The following NOS3 variants were observed in gnomAD, a reference collection of about 807,000 sequenced individuals.
NOS3 encodes the protein nitric oxide synthase 3.
In NOS3, 98 loss-of-function variants were observed where a neutral mutation model predicts 144.9. That is an observed-to-expected ratio of 0.68 (90% CI 0.57 to 0.80). The LOEUF (loss-of-function observed/expected upper bound fraction) is 0.80, where lower values mean the gene tolerates loss of function less well. Among genes scored for constraint, NOS3 ranks in the 30% least tolerant of loss-of-function variants. The pLI, the probability that NOS3 is intolerant of heterozygous loss-of-function variation, is 0.00. For missense variants in NOS3, 1,465 were observed against 1,656.4 expected (o/e 0.88, Z 2.01); for synonymous variants, 714 against 702.4 (o/e 1.02, Z -0.26).
chr7:151,005,503 A>G (rs3918187), intron 14 of NOS3, among the ~76,000 whole-genome samples: 3,692 of 152,232 alleles, frequency 0.024, 157 homozygotes, highest in African/African-American at 0.084. Context: ...TTGTCCACCC[A>G]TGAAATCCAC....
chr7:151,012,622 GT>G (rs1795330994), intron 24 of NOS3, 150 bp downstream of exon 24: 2 of 930,382 alleles, frequency 2.1e-6, no homozygotes, highest in Admixed American at 5.3e-5. Flanking sequence ...GGGAGGGCAG[GT>G]ACCAAAGGCA....
At chr7:151,007,065 T>C in intron 16 of NOS3, 37 bp from the exon 17 acceptor site, 1 of 1,614,038 alleles carries the variant, frequency 6.2e-7, no homozygotes, top group Non-Finnish European at 8.5e-7. Flanking sequence ...AAACGTGGCC[T>C]GCAAAGGGAG....
intron 14 of NOS3, among the ~76,000 whole-genome samples, chr7:151,006,013 C>T (rs547617112): frequency 6.6e-6 from 1 of 152,180 alleles, no homozygotes; most frequent in Non-Finnish European, 1.5e-5. Flanking sequence ...CAGAGCAAGA[C>T]CCATATCTAA....
chr7:151,001,198 G>A, intron 10 of NOS3, 33 bp from the exon 11 acceptor site: 1 of 1,607,304 alleles, frequency 6.2e-7, no homozygotes, highest in Admixed American at 1.7e-5. Flanking sequence ...TGTGGGTCTG[G>A]TTTGAGCCTC....
At position 150,993,736 on chromosome 7, in the gene NOS3, C is replaced by T; in HGVS notation, c.-51-17C>T. Reference sequence around the variant, plus strand: ...CTCCCACTGCCCCCTCCTCTCGGTCCCCTCCCTCTTCCTAAGGAAAAGGCC... The same window carrying T: ...CTCCCACTGCCCCCTCCTCTCGGTCTCCTCCCTCTTCCTAAGGAAAAGGCC... On this transcript the variant is annotated splice_polypyrimidine_tract_variant and intron_variant, in intron 1 of 26. Transcript: ENST00000297494. This position sits in a 1 kb window ranked among gnomAD's most constrained non-coding sequence, Gnocchi z 4.0. 6.6e-7 allele frequency: 1 copy of T among 1,515,716 alleles called. No homozygotes were observed. Among genetic ancestry groups the T allele is most frequent in the African/African-American group, 1.4e-5 (1 of 71,022 alleles). The allele number at this position is 1,515,716 out of a possible 1,614,324, so 93.9% of individuals were successfully genotyped here. A position where few individuals can be genotyped will look rare whatever the true frequency, so the allele number is the denominator to read the frequency against.
In NOS3 at chr7:151,002,066, AT is replaced by A; in HGVS notation, c.1647+102del. 6.6e-7 allele frequency: 1 copy of A among 1,510,422 alleles called. No homozygotes were observed. The highest frequency in any genetic ancestry group is 9.1e-7 in the Non-Finnish European group (1 of 1,101,686). 93.6% of individuals were successfully genotyped at this position (1,510,422 alleles called of 1,614,324 possible). ...CAGGAAGTGTTACAAGTCAGGACTC[AT>A]GAGGAACCCGGAACCACAGGTGTTC... is the stretch of plus-strand genomic sequence containing the variant. On this transcript the variant is annotated intron_variant, in intron 13 of 26. Transcript: ENST00000297494. This position sits in a 1 kb window ranked among gnomAD's most constrained non-coding sequence, Gnocchi z 4.1.
Position 151,001,558 on chromosome 7 carries a change from G to T in NOS3, c.1443G>T (p.Lys481Asn). 1 of 1,614,020 alleles carries T rather than the reference G, an allele frequency of 6.2e-7. No homozygotes were observed. The highest frequency in any genetic ancestry group is 8.5e-7 in the Non-Finnish European group (1 of 1,180,002). The change falls in exon 12 of 27, where the codon AAG becomes AAT. Residue 481 changes from lysine to asparagine, a missense_variant. Around this residue, in one of 5 missense-constraint regions of NOS3, gnomAD observed 745 missense variants for 853.9 expected, o/e 0.87. Coordinates refer to ENST00000297494, the MANE Select transcript of NOS3 (RefSeq NM_000603.5). ...PAFRYQPDPWKGSAAKGTGIT... is the reference protein window; with the variant it reads ...PAFRYQPDPWNGSAAKGTGIT... ...TCTCTCTGCAGCCAGACCCCTGGAA[G>T]GGGAGTGCCGCCAAGGGCACCGGCA...
At chr7:151,012,114 T>C (rs1351698703) in intron 23 of NOS3, 6 of 476,054 alleles carry the variant, frequency 1.3e-5, no homozygotes, top group Non-Finnish European at 2.3e-5. Context: ...CTAAATCCCC[T>C]GAGTCATCTA....
At chr7:151,004,899 C>A (rs1254164711) in intron 14 of NOS3, among the ~76,000 whole-genome samples, 1 of 152,088 alleles carries the variant, frequency 6.6e-6, no homozygotes, top group South Asian at 2.1e-4. Context: ...ACTCTGTTGC[C>A]CAGGCTGGAG....
Position 151,013,734 on chromosome 7 carries a change from A to G in NOS3, c.3266A>G (p.Gln1089Arg). Residue 1089 changes from glutamine (Q) to arginine (R), a missense_variant, in exon 26 of 27, where the codon CAG (glutamine) becomes CGG (arginine). Transcript: ENST00000297494. ...REPDNPKTYV[Q>R]DILRTELAAE... ...CCCGCCGCCCCGCAGACCTACGTGC[A>G]GGACATCCTGAGGACGGAGCTGGCT... The G allele has an allele frequency of 1.9e-6, 3 of 1,606,720 alleles. No individual in the cohort carries two copies. The highest frequency in any genetic ancestry group is 2.5e-6 in the Non-Finnish European group (3 of 1,177,332).
chr7:150,993,504 C>A lies in NOS3; in HGVS notation c.-51-249C>A, dbSNP rs974190956. Among the ~76,000 whole-genome samples, 1 of 152,190 alleles carries A rather than the reference C, an allele frequency of 6.6e-6. No homozygotes were observed. Among genetic ancestry groups the A allele is most frequent in the Non-Finnish European group, 1.5e-5 (1 of 68,018 alleles). ...ACCCTGCCACTCCCCAATGCCCCAGCCCCCATGCTGCAGCCCCAGGGCTCT... is the reference window on the plus strand; with the variant it reads ...ACCCTGCCACTCCCCAATGCCCCAGACCCCATGCTGCAGCCCCAGGGCTCT... On this transcript the variant is annotated intron_variant, in intron 1 of 26. Coordinates refer to ENST00000297494, the MANE Select transcript of NOS3 (RefSeq NM_000603.5). This position sits in a 1 kb window ranked among gnomAD's most constrained non-coding sequence, Gnocchi z 4.0.
intron 2 of NOS3, 76 bp from the exon 3 acceptor site, chr7:150,995,127 G>A: frequency 1.3e-6 from 1 of 771,900 alleles, no homozygotes; most frequent in Non-Finnish European, 2.1e-6. Flanking sequence ...GCTGTAACAG[G>A]GGCCTCCGGG....
intron 3 of NOS3, 127 bp downstream of exon 3, chr7:150,995,441 AG>A (rs900133973): frequency 1.6e-6 from 1 of 630,138 alleles, no homozygotes; most frequent in African/African-American, 1.9e-5. Flanking sequence ...AAAAGAGGAG[AG>A]GACTGGGAAG....
chr7:150,994,051 G>A, intron 2 of NOS3, 90 bp downstream of exon 2: 1 of 1,384,240 alleles, frequency 7.2e-7, no homozygotes, highest in Non-Finnish European at 9.8e-7. Context: ...ACTTGTAGCT[G>A]AGTCGGGAGG....
chr7:151,013,268 C>T lies in NOS3; in HGVS notation c.3144C>T (p.Cys1048=), dbSNP rs1563235495. The T allele has an allele frequency of 1.9e-6, 3 of 1,613,950 alleles. No homozygotes were observed. The highest frequency in any genetic ancestry group is 1.7e-6 in the Non-Finnish European group (2 of 1,179,974). Residue 1048 remains cysteine, a synonymous_variant, in exon 25 of 27, where the codon TGC becomes TGT. Coordinates refer to ENST00000297494, the MANE Select transcript of NOS3 (RefSeq NM_000603.5). ...CTCCCATGACTTTGGTGTTCGGCTG[C>T]CGATGCTCCCAACTTGACCATCTCT... The part of the protein sequence containing the change: ...QPTPMTLVFG[C]RCSQLDHLYR...
chr7:151,003,279 T>A lies in NOS3; in HGVS notation c.1752+975T>A. ...TAGTTGGGACTACAGGCGCATGCCA[T>A]GATGCCTAGCTAATTTTTGTATTTT... is the stretch of plus-strand genomic sequence containing the variant. On this transcript the variant is annotated intron_variant, in intron 14 of 26. Coordinates refer to ENST00000297494, the MANE Select transcript of NOS3 (RefSeq NM_000603.5). This position sits in a 1 kb window ranked among gnomAD's most constrained non-coding sequence, Gnocchi z 4.1. 1 of 482,560 alleles carries A rather than the reference T, an allele frequency of 2.1e-6. No homozygotes were observed. Among genetic ancestry groups the A allele is most frequent in the South Asian group, 1.5e-5 (1 of 64,530 alleles). The allele number at this position is 482,560 out of a possible 1,614,324, so 29.9% of individuals were successfully genotyped here. A position where few individuals can be genotyped will look rare whatever the true frequency, so the allele number is the denominator to read the frequency against.
rs1344110745 is a variant in NOS3 at position 151,014,045 on chromosome 7, C to G, written c.3488C>G (p.Thr1163Arg). Reference sequence around the variant, plus strand: ...TACCACGAAGACATTTTCGGGCTCACGCTGCGCACCCAGGAGGTGACAAGC... The same window carrying G: ...TACCACGAAGACATTTTCGGGCTCAGGCTGCGCACCCAGGAGGTGACAAGC... Reference protein sequence around the residue: ...QRYHEDIFGLTLRTQEVTSRI... With the variant: ...QRYHEDIFGLRLRTQEVTSRI... The change falls in exon 27 of 27, where the codon ACG becomes AGG. Residue 1163 changes from threonine to arginine, a missense_variant. Thr to Arg is a moderately conservative substitution (Grantham distance 71). Around this residue, in one of 5 missense-constraint regions of NOS3, gnomAD observed 228 missense variants for 227.7 expected, o/e 1.00. Transcript: ENST00000297494. 1.2e-6 allele frequency: 2 copies of G among 1,613,494 alleles called. No individual in the cohort carries two copies. The highest frequency in any genetic ancestry group is 2.7e-5 in the African/African-American group (2 of 74,934).
chr7:150,995,403 C>T, intron 3 of NOS3, 89 bp downstream of exon 3: 1 of 815,416 alleles, frequency 1.2e-6, no homozygotes, highest in South Asian at 1.7e-5. Flanking sequence ...GAAGCTCAAC[C>T]CTTCTTTGAA....
chr7:151,008,638 C>T (rs541417696), intron 17 of NOS3, among the ~76,000 whole-genome samples: 219 of 152,328 alleles, frequency 1.4e-3, no homozygotes, highest in Non-Finnish European at 2.6e-3. Context: ...CAGACGCCTT[C>T]ACAGAGCTAC....
Sources: gnomAD v4.1 joint callset for allele counts (sites outside exome capture counted in the v4.1 genomes callset) on GRCh38, gnomAD v4.1.1 for gene constraint, gnomAD v4.1.1 regional missense constraint, Gnocchi (gnomAD v3.1) non-coding constraint, MANE v1.5 for transcripts, NCBI Gene and HGNC (gene_info 2026-07-23, HGNC 2026-07-21) for gene names.